The following HIVEP3 variants were observed in gnomAD, a reference collection of about 807,000 sequenced individuals.
The protein encoded by HIVEP3 is transcription factor HIVEP3.
In HIVEP3, 49 loss-of-function variants were observed where a neutral mutation model predicts 152.8. The ratio of observed to expected loss-of-function variants is 0.32; its 90% CI spans 0.26 to 0.41. HIVEP3 has a LOEUF of 0.41. Among genes scored for constraint, HIVEP3 ranks in the 10% least tolerant of loss-of-function variants. The pLI, the probability that HIVEP3 is intolerant of heterozygous loss-of-function variation, is 1.00. For missense variants in HIVEP3, 2,790 were observed against 3,103.3 expected, an observed-to-expected ratio of 0.90 and a Z score of 2.40; for synonymous variants, 1,269 against 1,289.0, an observed-to-expected ratio of 0.98 and a Z score of 0.33.
At chr1:41,887,603 G>A (rs926572045) in intron 1 of HIVEP3, among the ~76,000 whole-genome samples, 9 of 152,186 alleles carry the variant, frequency 5.9e-5, no homozygotes, top group African/African-American at 2.2e-4. Flanking sequence ...GAAGGTCAAA[G>A]GATGATGAAT....
chr1:41,813,092 G>T (rs753943926), intron 1 of HIVEP3, among the ~76,000 whole-genome samples: 2 of 152,126 alleles, frequency 1.3e-5, no homozygotes, highest in African/African-American at 4.8e-5. Context: ...AGGCTGGAGT[G>T]CAGTGGTGCG....
intron 2 of HIVEP3, among the ~76,000 whole-genome samples, chr1:41,697,190 A>G (rs1646289882): frequency 6.6e-6 from 1 of 152,166 alleles, no homozygotes; most frequent in Admixed American, 6.5e-5. Flanking sequence ...CTTGATGGAG[A>G]TGGAAACCGA....
chr1:41,974,462 C>T (rs566245025), intron 1 of HIVEP3, among the ~76,000 whole-genome samples: 11 of 149,296 alleles, frequency 7.4e-5, no homozygotes, highest in African/African-American at 2.7e-4. Flanking sequence ...GCTTCACATA[C>T]ATCCATAACC....
At chr1:41,711,790 GGCCCGA>G (rs1213265706) in intron 1 of HIVEP3, among the ~76,000 whole-genome samples, 11 of 152,102 alleles carry the variant, frequency 7.2e-5, no homozygotes, top group Non-Finnish European at 1.5e-5. Context: ...GGCTGGCAGG[GGCCCGA>G]GCACACTCGG....
intron 2 of HIVEP3, among the ~76,000 whole-genome samples, chr1:41,648,808 C>T (rs1252506190): frequency 1.3e-5 from 2 of 152,252 alleles, no homozygotes; most frequent in Non-Finnish European, 2.9e-5. Context: ...AGCCAGTGAA[C>T]TCCACTTGTT....
intron 8 of HIVEP3, among the ~76,000 whole-genome samples, chr1:41,512,315 G>T (rs1039684617): frequency 6.6e-6 from 1 of 152,116 alleles, no homozygotes; most frequent in East Asian, 1.9e-4. Flanking sequence ...CATTTTGAGC[G>T]TGTGGCACCT....
At chr1:41,545,146 CCAA>C (rs1375398000) in intron 5 of HIVEP3, among the ~76,000 whole-genome samples, 9 of 138,752 alleles carry the variant, frequency 6.5e-5, no homozygotes, top group East Asian at 2.3e-4. Flanking sequence ...ACCATCACCA[CCAA>C]CACCACCTCT....
chr1:41,552,076 A>G (rs1248083529), intron 5 of HIVEP3, among the ~76,000 whole-genome samples: 1 of 152,154 alleles, frequency 6.6e-6, no homozygotes, highest in East Asian at 1.9e-4. Context: ...GTCCTGGTAC[A>G]TTGTGTCTTT....
chr1:41,722,935 A>G (rs932089729), intron 1 of HIVEP3, among the ~76,000 whole-genome samples: 1 of 152,178 alleles, frequency 6.6e-6, no homozygotes, highest in Admixed American at 6.5e-5. Flanking sequence ...GTGAGCTAGG[A>G]AGCAAGAGGT....
Position 41,585,170 on chromosome 1 carries a change from G to T in HIVEP3, c.-373C>A, listed in dbSNP as rs916851884. On this transcript the variant is annotated 5_prime_UTR_variant, in exon 4 of 9. Coordinates refer to ENST00000372583, the MANE Select transcript of HIVEP3 (RefSeq NM_024503.5). ...CGAGTCCCCCGTGTGCTATGCAAAC[G>T]GTTGAAGGTTGGAGACATCTGTGTC... 3 of 397,802 alleles carry T rather than the reference G, an allele frequency of 7.5e-6. No individual in the cohort carries two copies. The highest frequency in any genetic ancestry group is 1.3e-5 in the Non-Finnish European group (3 of 226,474). 24.6% of individuals were successfully genotyped at this position (397,802 alleles called of 1,614,324 possible).
At position 41,749,404 on chromosome 1, in the gene HIVEP3, T is replaced by TTGTGTGTGTGTGTGTGTGTGTGTG. The variant is rs3064239; in HGVS notation, c.-800-48433_-800-48410dup. On this transcript the variant is annotated intron_variant, in intron 1 of 8. Transcript: ENST00000372583. ...GGACTCTCTGAAACCTTAGAAAAAA[T>TTGTGTGTGTGTGTGTGTGTGTGTG]TGTGTGTGTGTGTGTGTGTGTGTGT... is the stretch of plus-strand genomic sequence containing the variant. Among the ~76,000 whole-genome samples the TTGTGTGTGTGTGTGTGTGTGTGTG allele has an allele frequency of 8.9e-3, 1,250 of 140,730 alleles. 25 individuals are homozygous for TTGTGTGTGTGTGTGTGTGTGTGTG. Among genetic ancestry groups the TTGTGTGTGTGTGTGTGTGTGTGTG allele is most frequent in the East Asian group, 0.022 (106 of 4,854 alleles). The allele number at this position is 140,730 out of a possible 152,430, so 92.3% of individuals were successfully genotyped here. A position where few individuals can be genotyped will look rare whatever the true frequency, so the allele number is the denominator to read the frequency against.
At chr1:42,012,576 G>C (rs1645499241) in intron 1 of HIVEP3, among the ~76,000 whole-genome samples, 1 of 152,176 alleles carries the variant, frequency 6.6e-6, no homozygotes, top group African/African-American at 2.4e-5. Flanking sequence ...TGTAATCTCA[G>C]CTACTTGGAA....
chr1:41,772,117 C>T lies in HIVEP3; in HGVS notation c.-800-71122G>A, dbSNP rs965207790. Reference sequence around the variant, plus strand: ...TGCTTGACCTCCTGGTTCTAGTGGTCACTCTTACCAGAAGCCACTAAAAAG... The same window carrying T: ...TGCTTGACCTCCTGGTTCTAGTGGTTACTCTTACCAGAAGCCACTAAAAAG... On this transcript the variant is annotated intron_variant, in intron 1 of 8. Transcript: ENST00000372583. Among the ~76,000 whole-genome samples, 3 of 152,308 alleles carry T rather than the reference C, an allele frequency of 2.0e-5. No homozygotes were observed. In the East Asian group the frequency reaches 5.8e-4, roughly 29 times the overall value.
At chr1:41,615,311 T>C (rs1644951182) in intron 3 of HIVEP3, among the ~76,000 whole-genome samples, 2 of 152,250 alleles carry the variant, frequency 1.3e-5, no homozygotes, top group South Asian at 2.1e-4. Flanking sequence ...TCATGGTTTA[T>C]GTCCTGAACT....
chr1:41,853,918 G>A (rs2124386703), intron 1 of HIVEP3, among the ~76,000 whole-genome samples: 1 of 152,276 alleles, frequency 6.6e-6, no homozygotes, highest in Non-Finnish European at 1.5e-5. Context: ...TGATGAATGT[G>A]TGAGCTCACC....
chr1:41,827,414 A>G (rs1230897331), intron 1 of HIVEP3, among the ~76,000 whole-genome samples: 1 of 151,794 alleles, frequency 6.6e-6, no homozygotes, highest in African/African-American at 2.4e-5. Context: ...ATCACCTGCA[A>G]GTGAATGACC....
intron 2 of HIVEP3, among the ~76,000 whole-genome samples, chr1:41,668,990 C>T (rs892222189): frequency 2.6e-5 from 4 of 152,110 alleles, no homozygotes; most frequent in African/African-American, 7.2e-5. Context: ...TGCTACTCTG[C>T]CTGGGAGTGC....
intron 2 of HIVEP3, among the ~76,000 whole-genome samples, chr1:41,699,827 G>C (rs1214091328): frequency 6.6e-6 from 1 of 151,972 alleles, no homozygotes. Context: ...CCACACCCCG[G>C]TAGGGGCCTC....
chr1:41,893,828 C>T (rs112124040), intron 1 of HIVEP3, among the ~76,000 whole-genome samples: 18,324 of 144,878 alleles, frequency 0.13, 2,639 homozygotes, highest in African/African-American at 0.36. Context: ...CATTATATAA[C>T]ATATAATATA....
Sources: gnomAD v4.1 joint callset for allele counts (sites outside exome capture counted in the v4.1 genomes callset) on GRCh38, gnomAD v4.1.1 for gene constraint, MANE v1.5 for transcripts, NCBI Gene and HGNC (gene_info 2026-07-23, HGNC 2026-07-21) for gene names.